The following FER variants were observed in gnomAD, a reference collection of about 807,000 sequenced individuals.
The protein encoded by FER is tyrosine-protein kinase Fer.
In FER, 63 loss-of-function variants were observed where a neutral mutation model predicts 111.0. The ratio of observed to expected loss-of-function variants is 0.57; its 90% CI spans 0.46 to 0.70. The LOEUF is 0.70. FER is among the 30% of genes least tolerant of loss of function. The pLI, the probability that FER is intolerant of heterozygous loss-of-function variation, is 0.00. For missense variants in FER, 914 were observed against 954.0 expected (o/e 0.96, Z 0.55); for synonymous variants, 327 against 313.9 (o/e 1.04, Z -0.44).
intron 1 of FER, among the ~76,000 whole-genome samples, chr5:108,749,395 A>G (rs955030905): frequency 1.3e-3 from 198 of 146,818 alleles, no homozygotes; most frequent in African/African-American, 4.4e-3. Context: ...CTGGGGGCTG[A>G]TGGGCGTGAG....
At chr5:108,927,584 A>C (rs1163151268) in intron 10 of FER, among the ~76,000 whole-genome samples, 1 of 152,098 alleles carries the variant, frequency 6.6e-6, no homozygotes, top group African/African-American at 2.4e-5. Context: ...TGTGGGCTTT[A>C]TTATTCCTTT....
At chr5:108,890,767 A>T (rs981399179) in intron 9 of FER, among the ~76,000 whole-genome samples, 2 of 152,092 alleles carry the variant, frequency 1.3e-5, no homozygotes, top group African/African-American at 2.4e-5. Context: ...AACAGTATGG[A>T]TATACCACAA....
chr5:108,783,316 C>G (rs1222705551), intron 2 of FER, among the ~76,000 whole-genome samples: 4 of 152,108 alleles, frequency 2.6e-5, no homozygotes, highest in Non-Finnish European at 4.4e-5. Context: ...ATTTTTATAA[C>G]TTTTATTTCC....
intron 12 of FER, among the ~76,000 whole-genome samples, chr5:108,957,553 A>C (rs1758589127): frequency 1.3e-5 from 2 of 151,718 alleles, no homozygotes; most frequent in South Asian, 4.1e-4. Context: ...GAGATTTCTC[A>C]AAAAGCTATG....
At chr5:108,758,475 T>G (rs1408222978) in intron 1 of FER, among the ~76,000 whole-genome samples, 1 of 152,248 alleles carries the variant, frequency 6.6e-6, no homozygotes, top group East Asian at 1.9e-4. Flanking sequence ...GCACTGAAAC[T>G]AGAAGTATAT....
intron 1 of FER, 145 bp downstream of exon 1, chr5:108,748,145 G>A (rs1160232100): frequency 1.3e-5 from 2 of 152,254 alleles, no homozygotes; most frequent in African/African-American, 4.8e-5. Context: ...CCGTCCTTAA[G>A]GGACTCAGAG....
chr5:108,884,185 A>G (rs1746699384), intron 9 of FER, among the ~76,000 whole-genome samples: 2 of 152,072 alleles, frequency 1.3e-5, no homozygotes, highest in South Asian at 4.1e-4. Flanking sequence ...GACCTCACAT[A>G]TTTCTTGCTA....
chr5:109,126,656 A>C (rs1220891872), intron 17 of FER, among the ~76,000 whole-genome samples: 1 of 152,218 alleles, frequency 6.6e-6, no homozygotes, highest in African/African-American at 2.4e-5. Context: ...TCATTCAGTT[A>C]GCAGATACCG....
intron 13 of FER, among the ~76,000 whole-genome samples, chr5:109,006,882 A>G (rs931476602): frequency 6.6e-6 from 1 of 152,174 alleles, no homozygotes; most frequent in African/African-American, 2.4e-5. Context: ...TTAAAGCAAT[A>G]TATTGATACT....
At chr5:108,853,126 G>C (rs1762689349) in intron 5 of FER, among the ~76,000 whole-genome samples, 4 of 152,002 alleles carry the variant, frequency 2.6e-5, no homozygotes, top group Non-Finnish European at 4.4e-5. Context: ...AATATCAGAG[G>C]GTAGAATTGA....
chr5:108,862,229 A>ACC lies in FER; in HGVS notation c.482-5538_482-5537insCC. Among the ~76,000 whole-genome samples, 3 of 152,310 alleles carry ACC rather than the reference A, an allele frequency of 2.0e-5. 1 individual carries two copies. The highest frequency in any genetic ancestry group is 2.0e-4 in the Admixed American group (3 of 15,292). On this transcript the variant is annotated intron_variant, in intron 5 of 19. Coordinates refer to ENST00000281092, the MANE Select transcript of FER (RefSeq NM_005246.4). ...GACCATTGGTAAGCTGTTGGTGATT[A>ACC]AATTTTGGCTCTAATGACTTCAGGC...
chr5:108,919,727 C>T (rs1752783388), intron 10 of FER, among the ~76,000 whole-genome samples: 1 of 152,114 alleles, frequency 6.6e-6, no homozygotes, highest in Admixed American at 6.5e-5. Flanking sequence ...CAGATTCAAA[C>T]TCAAATAGAA....
intron 17 of FER, among the ~76,000 whole-genome samples, chr5:109,143,545 C>G (rs1190311454): frequency 6.6e-6 from 1 of 152,024 alleles, no homozygotes; most frequent in Non-Finnish European, 1.5e-5. Flanking sequence ...ATCACTTCCT[C>G]AGAGGCCTTA....
At chr5:108,815,156 A>G (rs1248602105) in intron 3 of FER, among the ~76,000 whole-genome samples, 2 of 152,152 alleles carry the variant, frequency 1.3e-5, no homozygotes, top group Non-Finnish European at 2.9e-5. Flanking sequence ...AGTATTTGCA[A>G]TTACAAATAA....
At chr5:109,083,283 T>C (rs1227288957) in intron 16 of FER, among the ~76,000 whole-genome samples, 2 of 152,076 alleles carry the variant, frequency 1.3e-5, no homozygotes, top group African/African-American at 4.8e-5. Flanking sequence ...TCATTCTGTG[T>C]GTAACATGCC....
chr5:109,114,668 C>T (rs1453165272), intron 17 of FER, among the ~76,000 whole-genome samples: 1 of 151,970 alleles, frequency 6.6e-6, no homozygotes, highest in Non-Finnish European at 1.5e-5. Context: ...AACATGTCTT[C>T]GTTTCAATAA....
At chr5:108,862,157 A>G (rs1395776641) in intron 5 of FER, among the ~76,000 whole-genome samples, 1 of 152,190 alleles carries the variant, frequency 6.6e-6, no homozygotes, top group East Asian at 1.9e-4. Flanking sequence ...TAGATTCTGC[A>G]TTGGATATTT....
intron 18 of FER, 148 bp downstream of exon 18, chr5:109,181,049 T>G: frequency 3.1e-6 from 2 of 641,514 alleles, no homozygotes; most frequent in Non-Finnish European, 2.5e-6. Context: ...ATACTTTTAA[T>G]TTGTTGAAAT....
chr5:109,124,748 T>C (rs111766030), intron 17 of FER, among the ~76,000 whole-genome samples: 2,888 of 152,066 alleles, frequency 0.019, 114 homozygotes, highest in African/African-American at 0.067. Context: ...TAAACATTCC[T>C]TTTAAGATAG....
Sources: gnomAD v4.1 joint callset for allele counts (sites outside exome capture counted in the v4.1 genomes callset) on GRCh38, gnomAD v4.1.1 for gene constraint, MANE v1.5 for transcripts, NCBI Gene and HGNC (gene_info 2026-07-23, HGNC 2026-07-21) for gene names.